Variants in PPP1R12C observed in about 807,000 individuals in gnomAD.
PPP1R12C encodes the protein protein phosphatase 1 regulatory subunit 12C, also known as leukocyte receptor cluster (LRC) encoded novel gene 3.
Under a neutral mutation model 95.6 loss-of-function variants are expected in PPP1R12C, and 48 were observed. The ratio of observed to expected loss-of-function variants is 0.50; its 90% CI spans 0.40 to 0.64. The LOEUF (loss-of-function observed/expected upper bound fraction) is 0.64, where lower values mean the gene tolerates loss of function less well. Ranked by LOEUF, PPP1R12C falls within the 30% of genes least tolerant of loss-of-function variation. The probability of loss-of-function intolerance (pLI) is 0.00; values close to 1 mark genes in which losing one functional copy is unlikely to be tolerated. For missense variants in PPP1R12C, 1,057 were observed against 1,083.3 expected, an observed-to-expected ratio of 0.98 and a Z score of 0.34; for synonymous variants, 480 against 460.8, an observed-to-expected ratio of 1.04 and a Z score of -0.53.
chr19:55,105,411 T>C (rs1412913881), intron 3 of PPP1R12C, among the ~76,000 whole-genome samples: 1 of 152,218 alleles, frequency 6.6e-6, no homozygotes, highest in Non-Finnish European at 1.5e-5. Context: ...TCTGTATCTG[T>C]AGACAGAGCC....
chr19:55,091,939 A>G (rs1179251044), intron 19 of PPP1R12C, 30 bp from the exon 20 acceptor site: 1 of 1,612,046 alleles, frequency 6.2e-7, no homozygotes, highest in South Asian at 1.1e-5. Context: ...CACAGGGGTC[A>G]GCAGAAGAAG....
Position 55,092,520 on chromosome 19 carries a change from G to T in PPP1R12C, c.1977C>A (p.Ala659=). ...ESSTLEGGPS[A]RRQRWQRDLN... is the part of the protein sequence containing the mutation. ...GGTCCCGCTGCCACCGCTGCCTGCG[G>T]GCCGAGGGGCCGCCCTCCAGGGTGC... Residue 659 remains alanine (A), a synonymous_variant, in exon 18 of 22, where the codon GCC becomes GCA. Coordinates refer to ENST00000263433, the MANE Select transcript of PPP1R12C (RefSeq NM_017607.4). The T allele has an allele frequency of 6.2e-7, 1 of 1,607,052 alleles. No individual in the cohort carries two copies. Among genetic ancestry groups the T allele is most frequent in the Non-Finnish European group, 8.5e-7 (1 of 1,177,354 alleles).
intron 11 of PPP1R12C, 52 bp downstream of exon 11, chr19:55,095,239 G>C (rs183477487): frequency 6.6e-7 from 1 of 1,508,914 alleles, no homozygotes; most frequent in East Asian, 2.5e-5. Context: ...GGACAGGCTT[G>C]GAACCCACAT....
intron 4 of PPP1R12C, among the ~76,000 whole-genome samples, chr19:55,100,357 T>C (rs1206533253): frequency 1.3e-5 from 2 of 152,252 alleles, no homozygotes; most frequent in South Asian, 2.1e-4. Context: ...CAACATCCCA[T>C]AGGTGGAGGC....
chr19:55,096,471 G>T, intron 6 of PPP1R12C, 136 bp from the exon 7 acceptor site: 1 of 1,044,700 alleles, frequency 9.6e-7, no homozygotes, highest in Non-Finnish European at 1.4e-6. Context: ...TTTTCCTACA[G>T]ATGGCCACAC....
At chr19:55,098,014 A>G (rs2603697) in intron 6 of PPP1R12C, among the ~76,000 whole-genome samples, 142,517 of 152,136 alleles carry the variant, frequency 0.94, 66,901 homozygotes, top group East Asian at 1. Context: ...TCCTACATCC[A>G]TCAGCCTCCA....
Position 55,095,482 on chromosome 19 carries a change from G to C in PPP1R12C, c.1349C>G (p.Ser450Trp), listed in dbSNP as rs369646112. The stretch of plus-strand genomic sequence containing the variant: ...CCCTTCCAGCCAGGAGGAGGAAGCC[G>C]AGCGCTGCAGCCCAGCCCCAGGGGC... ...EGAPGAGLQRSASSSWLEGTS... is the reference protein window; with the variant it reads ...EGAPGAGLQRWASSSWLEGTS... The change falls in exon 10 of 22, where the codon TCG becomes TGG. Residue 450 changes from serine to tryptophan, a missense_variant. Transcript: ENST00000263433. The C allele has an allele frequency of 5.1e-6, 8 of 1,565,214 alleles. No individual in the cohort carries two copies. The South Asian group carries it at 9.4e-5, about 18-fold the overall frequency.
In PPP1R12C at chr19:55,091,267, G is replaced by C; in HGVS notation, c.*205C>G. On this transcript the variant is annotated 3_prime_UTR_variant, in exon 22 of 22. Coordinates refer to ENST00000263433, the MANE Select transcript of PPP1R12C (RefSeq NM_017607.4). ...CCCCTCTGGCAACGTCCCCCTGCTTGGCTCGGCCTCCCACCTCCATCCTGG... is the reference window on the plus strand; with the variant it reads ...CCCCTCTGGCAACGTCCCCCTGCTTCGCTCGGCCTCCCACCTCCATCCTGG... 1.7e-6 allele frequency: 1 copy of C among 594,752 alleles called. No individual in the cohort carries two copies. The highest frequency in any genetic ancestry group is 3.0e-6 in the Non-Finnish European group (1 of 335,952). 36.8% of individuals were successfully genotyped at this position (594,752 alleles called of 1,614,324 possible).
At chr19:55,107,727 A>T (rs1158870279) in intron 3 of PPP1R12C, among the ~76,000 whole-genome samples, 1 of 151,390 alleles carries the variant, frequency 6.6e-6, no homozygotes, top group East Asian at 1.9e-4. Flanking sequence ...CAGCATTAGG[A>T]GATATACCTA....
At position 55,091,681 on chromosome 19, in the gene PPP1R12C, C is replaced by T. The variant is rs766702126; in HGVS notation, c.2231G>A (p.Arg744His). Residue 744 changes from arginine (R) to histidine (H), a missense_variant, in exon 21 of 22, where the codon CGC (arginine) becomes CAC (histidine). Arg to His is a conservative substitution (Grantham distance 29). Transcript: ENST00000263433. ...LERFERRALE[R>H]KAAELEEELK... Reference sequence around the variant, plus strand: ...CTCCTCCTCCAGCTCTGCGGCCTTGCGTTCCAGGGCCCTGCGCTCCTGGAA... The same window carrying T: ...CTCCTCCTCCAGCTCTGCGGCCTTGTGTTCCAGGGCCCTGCGCTCCTGGAA... 9 of 1,610,962 alleles carry T rather than the reference C, an allele frequency of 5.6e-6. No homozygotes were observed. Among genetic ancestry groups the T allele is most frequent in the Non-Finnish European group, 6.8e-6 (8 of 1,178,922 alleles).
At chr19:55,091,972 T>C (rs2084847281) in intron 19 of PPP1R12C, 63 bp from the exon 20 acceptor site, 2 of 1,586,726 alleles carry the variant, frequency 1.3e-6, no homozygotes, top group Non-Finnish European at 1.7e-6. Context: ...TGAAGGGTCC[T>C]AGGCTCCTGC....
intron 1 of PPP1R12C, among the ~76,000 whole-genome samples, chr19:55,116,007 G>T (rs74791600): frequency 1.3e-5 from 2 of 152,124 alleles, no homozygotes; most frequent in Non-Finnish European, 2.9e-5. Context: ...GAGAGGTAAG[G>T]GGGGTAGGGG....
In PPP1R12C at chr19:55,095,943, GTGATGTGGGAACA is replaced by G. The variant is rs1162425252; in HGVS notation, c.1154-16_1154-4del. 3 of 1,612,358 alleles carry G rather than the reference GTGATGTGGGAACA, an allele frequency of 1.9e-6. No individual in the cohort carries two copies. On this transcript the variant is annotated splice_polypyrimidine_tract_variant and splice_region_variant and intron_variant, in intron 8 of 21. Coordinates refer to ENST00000263433, the MANE Select transcript of PPP1R12C (RefSeq NM_017607.4). ...TCTGGGTTCTGCAGGGGGTGGTTCTGTGATGTGGGAACACCGGGCAGGTCACAGAAGATGCCAG... is the reference window on the plus strand; with the variant it reads ...TCTGGGTTCTGCAGGGGGTGGTTCTGCCGGGCAGGTCACAGAAGATGCCAG...
chr19:55,099,094 A>G lies in PPP1R12C; in HGVS notation c.733T>C (p.Leu245=). ...GGGTCGTAGCCAGCCTGAAGGAGCA[A>G]CCTGGGGGCCAGGGAGGCTCAGGGT... ...AAKGYIEVMR[L]LLQAGYDPEL... is the part of the protein sequence containing the mutation. Residue 245 remains leucine (L), a splice_region_variant and synonymous_variant, in exon 5 of 22, where the codon TTG becomes CTG. Transcript: ENST00000263433. The G allele has an allele frequency of 6.5e-7, 1 of 1,536,426 alleles. No homozygotes were observed. The highest frequency in any genetic ancestry group is 8.8e-7 in the Non-Finnish European group (1 of 1,139,320).
chr19:55,099,447 C>T (rs2084958080), intron 4 of PPP1R12C, among the ~76,000 whole-genome samples: 2 of 152,192 alleles, frequency 1.3e-5, no homozygotes, highest in Admixed American at 6.5e-5. Flanking sequence ...CCTTGCCAGC[C>T]CCCATGCCTG....
intron 1 of PPP1R12C, chr19:55,113,082 A>C (rs374519532): frequency 3.6e-6 from 2 of 549,922 alleles, no homozygotes; most frequent in Non-Finnish European, 6.5e-6. Flanking sequence ...GGGTGCGGGA[A>C]CCCCACATGG....
At chr19:55,101,338 A>G (rs1223241107) in intron 4 of PPP1R12C, among the ~76,000 whole-genome samples, 2 of 152,200 alleles carry the variant, frequency 1.3e-5, no homozygotes, top group Admixed American at 1.3e-4. Context: ...ATAGTCATGA[A>G]TATTTCTAAG....
At position 55,117,309 on chromosome 19, in the gene PPP1R12C, C is replaced by T. The variant is rs1281175051; in HGVS notation, c.235G>A (p.Gly79Ser). 2.8e-5 allele frequency: 34 copies of T among 1,199,934 alleles called. No homozygotes were observed. Among genetic ancestry groups the T allele is most frequent in the South Asian group, 4.1e-5 (1 of 24,346 alleles). 74.3% of individuals were successfully genotyped at this position (1,199,934 alleles called of 1,614,324 possible). ...LMLRAADPGPGAELDPAAPPP... is the reference protein window; with the variant it reads ...LMLRAADPGPSAELDPAAPPP... ...GGCGCGGCGGGGTCGAGCTCGGCGCCGGGGCCAGGGTCGGCGGCGCGCAGC... is the reference window on the plus strand; with the variant it reads ...GGCGCGGCGGGGTCGAGCTCGGCGCTGGGGCCAGGGTCGGCGGCGCGCAGC... The change falls in exon 1 of 22, where the codon GGC becomes AGC. Residue 79 changes from glycine (G) to serine (S), a missense_variant. By Grantham distance (56) the Gly-to-Ser change is moderately conservative. Transcript: ENST00000263433.
intron 3 of PPP1R12C, among the ~76,000 whole-genome samples, chr19:55,108,920 G>T (rs1411784774): frequency 6.6e-6 from 1 of 152,084 alleles, no homozygotes; most frequent in Non-Finnish European, 1.5e-5. Context: ...TGGTCAGGTT[G>T]GCCTCAAACT....
Sources: gnomAD v4.1 joint callset for allele counts (sites outside exome capture counted in the v4.1 genomes callset) on GRCh38, gnomAD v4.1.1 for gene constraint, MANE v1.5 for transcripts, NCBI Gene and HGNC (gene_info 2026-07-23, HGNC 2026-07-21) for gene names.